Variants in LPP observed in about 807,000 individuals in gnomAD.
LPP encodes lipoma-preferred partner.
In LPP, 38 loss-of-function variants were observed where a neutral mutation model predicts 60.4. The ratio of observed to expected loss-of-function variants is 0.63; its 90% CI spans 0.49 to 0.83. LPP has a LOEUF of 0.83. LPP is among the 40% of genes least tolerant of loss of function. The pLI is 0.00. For synonymous variants in LPP, 328 were observed against 290.8 expected (o/e 1.13, Z -1.30); for missense variants, 902 against 783.6 (o/e 1.15, Z -1.80).
At chr3:188,229,184 A>T (rs1194962708) in intron 2 of LPP, among the ~76,000 whole-genome samples, 2 of 152,170 alleles carry the variant, frequency 1.3e-5, no homozygotes, top group African/African-American at 4.8e-5. Context: ...CAGGAGGTGG[A>T]GGGTGGTAAA....
At chr3:188,846,996 A>G (rs1761608626) in intron 9 of LPP, among the ~76,000 whole-genome samples, 1 of 152,204 alleles carries the variant, frequency 6.6e-6, no homozygotes, top group Admixed American at 6.5e-5. Flanking sequence ...ATACCTATAC[A>G]TTTATTGTGT....
chr3:188,238,114 A>G (rs181282804), intron 2 of LPP, among the ~76,000 whole-genome samples: 1 of 152,278 alleles, frequency 6.6e-6, no homozygotes, highest in East Asian at 1.9e-4. Context: ...ATGGAGACCT[A>G]GTTTTTCCTT....
intron 4 of LPP, among the ~76,000 whole-genome samples, chr3:188,456,323 A>G (rs1797731897): frequency 1.3e-5 from 2 of 152,212 alleles, no homozygotes; most frequent in Admixed American, 1.3e-4. Flanking sequence ...TCTTCTAGTC[A>G]TGGTTTAAAA....
intron 3 of LPP, among the ~76,000 whole-genome samples, chr3:188,346,410 C>T (rs1435155873): frequency 1.3e-5 from 2 of 151,284 alleles, no homozygotes; most frequent in African/African-American, 2.4e-5. Flanking sequence ...CAGGTGCACA[C>T]CCCCACGCCC....
At chr3:188,495,076 A>ATG in intron 5 of LPP, among the ~76,000 whole-genome samples, 2 of 100,838 alleles carry the variant, frequency 2.0e-5, no homozygotes, top group African/African-American at 1.1e-4. Context: ...ATATATATAT[A>ATG]TATATATTTT....
At chr3:188,729,909 T>G (rs1205272737) in intron 8 of LPP, among the ~76,000 whole-genome samples, 2 of 151,556 alleles carry the variant, frequency 1.3e-5, no homozygotes, top group Non-Finnish European at 2.9e-5. Context: ...ATCACTTAAG[T>G]TCAGGAATTT....
intron 4 of LPP, among the ~76,000 whole-genome samples, chr3:188,464,594 T>A (rs1237578696): frequency 6.6e-6 from 1 of 152,174 alleles, no homozygotes; most frequent in African/African-American, 2.4e-5. Flanking sequence ...CTTTAAAATA[T>A]TGATATTTGG....
At chr3:188,471,931 CAT>C (rs1416669480) in intron 4 of LPP, among the ~76,000 whole-genome samples, 1 of 152,104 alleles carries the variant, frequency 6.6e-6, no homozygotes, top group Non-Finnish European at 1.5e-5. Context: ...TGGCTGTTGA[CAT>C]GTGTTTTATT....
At chr3:188,769,173 G>T (rs1370751566) in intron 9 of LPP, among the ~76,000 whole-genome samples, 1 of 152,110 alleles carries the variant, frequency 6.6e-6, no homozygotes, top group African/African-American at 2.4e-5. Flanking sequence ...AAAAAGTTTT[G>T]CATGAATAAT....
chr3:188,255,991 G>T (rs1248084512), intron 2 of LPP, among the ~76,000 whole-genome samples: 1 of 152,128 alleles, frequency 6.6e-6, no homozygotes, highest in Non-Finnish European at 1.5e-5. Context: ...TTTCAAATTT[G>T]TTGTTAATAA....
chr3:188,619,621 T>A (rs1845462361), intron 7 of LPP, among the ~76,000 whole-genome samples: 1 of 152,224 alleles, frequency 6.6e-6, no homozygotes, highest in Non-Finnish European at 1.5e-5. Context: ...ACAGCAGAGC[T>A]GAGAAGATGC....
chr3:188,410,066 G>A (rs1232909345), intron 4 of LPP, among the ~76,000 whole-genome samples: 1 of 152,142 alleles, frequency 6.6e-6, no homozygotes, highest in Non-Finnish European at 1.5e-5. Context: ...ATATGCACCT[G>A]TCTTCTCTAG....
intron 1 of LPP, among the ~76,000 whole-genome samples, chr3:188,187,012 C>G (rs1577180139): frequency 6.6e-6 from 1 of 152,234 alleles, no homozygotes; most frequent in East Asian, 1.9e-4. Context: ...TTTCGCTTCA[C>G]TCACTATTTT....
chr3:188,373,441 A>G (rs1773910191), intron 3 of LPP, among the ~76,000 whole-genome samples: 1 of 152,046 alleles, frequency 6.6e-6, no homozygotes, highest in African/African-American at 2.4e-5. Context: ...TTTGATTTGC[A>G]TTTCTCTGAT....
intron 2 of LPP, among the ~76,000 whole-genome samples, chr3:188,300,833 T>C (rs1262556341): frequency 6.6e-6 from 1 of 152,206 alleles, no homozygotes; most frequent in Non-Finnish European, 1.5e-5. Flanking sequence ...TATATAATAC[T>C]GTAAACACAT....
rs182698746 is a variant in LPP, at chr3:188,790,210, T to C, written c.1410+29928T>C. ...GGCTATCAGAAAAATAAGACAAATC[T>C]ATATATGCTAATTAAAGACACCTTA... On this transcript the variant is annotated intron_variant, in intron 9 of 11. Coordinates refer to ENST00000617246, the MANE Select transcript of LPP (RefSeq NM_001375462.1). Among the ~76,000 whole-genome samples, 79 of 152,268 alleles carry C rather than the reference T, an allele frequency of 5.2e-4. No individual in the cohort carries two copies. In the East Asian group the frequency reaches 0.014, roughly 27 times the overall value.
At chr3:188,368,861 G>A (rs936348921) in intron 3 of LPP, among the ~76,000 whole-genome samples, 1 of 152,054 alleles carries the variant, frequency 6.6e-6, no homozygotes, top group African/African-American at 2.4e-5. Flanking sequence ...TCAGTCCTTT[G>A]ATACTATTCA....
chr3:188,453,284 C>T (rs367928206), intron 4 of LPP, among the ~76,000 whole-genome samples: 15 of 152,208 alleles, frequency 9.9e-5, no homozygotes, highest in Admixed American at 2.0e-4. Flanking sequence ...ATCTCTAGGA[C>T]GCCTTTATCT....
At chr3:188,371,643 T>TATATATATATATATA (rs1560311234) in intron 3 of LPP, among the ~76,000 whole-genome samples, 7 of 15,120 alleles carry the variant, frequency 4.6e-4, no homozygotes, top group Non-Finnish European at 5.1e-4. Flanking sequence ...ATATATATAT[T>TATATATATATATATA]TTTTTTTTTT....
Sources: allele counts gnomAD v4.1 joint callset (sites outside exome capture counted in the v4.1 genomes callset), GRCh38; gene constraint gnomAD v4.1.1; transcripts MANE v1.5; gene names NCBI Gene and HGNC (gene_info 2026-07-23, HGNC 2026-07-21).